Variants in TRDN observed in about 807,000 individuals in gnomAD.
The protein encoded by TRDN is triadin.
TRDN carries 161 observed loss-of-function variants against 149.7 expected under a neutral mutation model. That is an observed-to-expected ratio of 1.08 (90% CI 0.95 to 1.23). TRDN has a LOEUF of 1.23. Among genes scored for constraint, TRDN ranks in the 50% most tolerant of loss-of-function variants. TRDN has a pLI of 0.00. For missense variants in TRDN, 896 were observed against 823.5 expected (o/e 1.09, Z -1.08); for synonymous variants, 294 against 250.5 (o/e 1.17, Z -1.64).
At chr6:123,364,364 C>T (rs1448686365) in intron 20 of TRDN, among the ~76,000 whole-genome samples, 4 of 152,134 alleles carry the variant, frequency 2.6e-5, no homozygotes, top group African/African-American at 7.2e-5. Context: ...TCCAGTCGGG[C>T]GTGGTGGCTC....
Position 123,634,105 on chromosome 6 carries a change from T to C in TRDN, c.22+2649A>G, listed in dbSNP as rs775134503. 4.6e-5 allele frequency among the ~76,000 whole-genome samples: 7 copies of C among 151,948 alleles called. 1 individual carries two copies. Among genetic ancestry groups the C allele is most frequent in the Admixed American group, 2.0e-4 (3 of 15,224 alleles). ...TTGATAGGTGGCATAGGTCTACTGA[T>C]AGAGTGCTTACATTTCAGTAATGTG... On this transcript the variant is annotated intron_variant, in intron 1 of 40. Transcript: ENST00000334268.
chr6:123,377,400 G>T (rs1781549360), intron 18 of TRDN, among the ~76,000 whole-genome samples: 3 of 152,094 alleles, frequency 2.0e-5, no homozygotes, highest in Admixed American at 2.0e-4. Flanking sequence ...ATTCACTGAG[G>T]GTCTTGTGAA....
chr6:123,552,104 G>A (rs1781425015), intron 2 of TRDN, among the ~76,000 whole-genome samples: 2 of 152,024 alleles, frequency 1.3e-5, no homozygotes, highest in African/African-American at 4.8e-5. Context: ...CAGCACTTCT[G>A]TTATATGAGA....
chr6:123,410,382 A>C (rs371937690), intron 12 of TRDN, among the ~76,000 whole-genome samples: 11 of 152,308 alleles, frequency 7.2e-5, no homozygotes, highest in African/African-American at 2.6e-4. Flanking sequence ...GGACAATAAA[A>C]TATTACTCAC....
chr6:123,497,385 A>G lies in TRDN; in HGVS notation c.794-133T>C, dbSNP rs1288518096. 9.2e-6 allele frequency: 5 copies of G among 541,662 alleles called. No individual in the cohort carries two copies. In the South Asian group the frequency reaches 1.8e-4, roughly 20 times the overall value. The allele number at this position is 541,662 out of a possible 1,614,324, so 33.6% of individuals were successfully genotyped here. ...GTTACTACAATATTTTCTGTAAAAA[A>G]AATAATTTGCACTTATATGAAAATA... On this transcript the variant is annotated intron_variant, in intron 8 of 40. Coordinates refer to ENST00000334268, the MANE Select transcript of TRDN (RefSeq NM_006073.4).
intron 21 of TRDN, among the ~76,000 whole-genome samples, chr6:123,349,040 G>A (rs535764743): frequency 4.1e-4 from 62 of 152,168 alleles, no homozygotes; most frequent in Non-Finnish European, 7.9e-4. Flanking sequence ...CATTGAGTAC[G>A]TATTATTCTG....
intron 9 of TRDN, chr6:123,470,407 C>G (rs1777088455): frequency 6.6e-6 from 1 of 152,022 alleles, no homozygotes; most frequent in Non-Finnish European, 1.5e-5. Flanking sequence ...GATAATAGTA[C>G]AAATGAAATT....
chr6:123,418,679 C>A (rs1773763153), intron 12 of TRDN: 1 of 152,068 alleles, frequency 6.6e-6, no homozygotes, highest in South Asian at 2.1e-4. Context: ...TACACTCAAC[C>A]CCCAACCCCA....
intron 8 of TRDN, 118 bp downstream of exon 8, chr6:123,503,601 T>A: frequency 3.3e-6 from 5 of 1,499,554 alleles, no homozygotes; most frequent in Non-Finnish European, 4.4e-6. Context: ...TACTTTAATG[T>A]CTTTTACCCC....
At chr6:123,465,088 C>CAAGCCAAGT in intron 9 of TRDN, 105 bp from the exon 10 acceptor site, 1 of 1,201,596 alleles carries the variant, frequency 8.3e-7, no homozygotes, top group Non-Finnish European at 1.1e-6. Context: ...TTCATAATAC[C>CAAGCCAAGT]AAGCCAAGTA....
At chr6:123,552,214 T>C (rs1219809843) in intron 2 of TRDN, among the ~76,000 whole-genome samples, 1 of 152,122 alleles carries the variant, frequency 6.6e-6, no homozygotes, top group Non-Finnish European at 1.5e-5. Flanking sequence ...TTTAGGTTAC[T>C]TGTGGTCAGT....
At chr6:123,550,550 A>G (rs1259961633) in intron 2 of TRDN, among the ~76,000 whole-genome samples, 1 of 152,076 alleles carries the variant, frequency 6.6e-6, no homozygotes, top group Non-Finnish European at 1.5e-5. Flanking sequence ...ATTTTTATGC[A>G]TATGACAGAG....
chr6:123,427,145 C>A (rs1774156330), intron 12 of TRDN, among the ~76,000 whole-genome samples: 1 of 151,838 alleles, frequency 6.6e-6, no homozygotes, highest in African/African-American at 2.4e-5. Flanking sequence ...ATCAATAAAA[C>A]ATTCTATGAT....
chr6:123,529,855 T>C (rs372256805), intron 5 of TRDN, among the ~76,000 whole-genome samples: 4 of 152,008 alleles, frequency 2.6e-5, no homozygotes, highest in African/African-American at 7.2e-5. Flanking sequence ...TTGCTTCCTA[T>C]TAGTTTCTTT....
chr6:123,232,266 G>C lies in TRDN; in HGVS notation c.1976-8135C>G, dbSNP rs139420641. Reference sequence around the variant, plus strand: ...AGAGGAAAACATTTCAAAAAGGGCAGGCGACCCACAATGTGGAAGGCATTA... The same window carrying C: ...AGAGGAAAACATTTCAAAAAGGGCACGCGACCCACAATGTGGAAGGCATTA... On this transcript the variant is annotated intron_variant, in intron 38 of 40. Transcript: ENST00000334268. Among the ~76,000 whole-genome samples, 962 of 152,030 alleles carry C rather than the reference G, an allele frequency of 6.3e-3. 6 individuals carry two copies. Among genetic ancestry groups the C allele is most frequent in the African/African-American group, 0.022 (906 of 41,496 alleles).
chr6:123,612,000 C>T (rs1327719895), intron 1 of TRDN, among the ~76,000 whole-genome samples: 3 of 151,814 alleles, frequency 2.0e-5, no homozygotes, highest in Non-Finnish European at 4.4e-5. Flanking sequence ...AACCTTTCAA[C>T]TTAAGTCAAA....
intron 7 of TRDN, chr6:123,510,370 GAATTGAGGCTTCTAGCT>G (rs1315288004): frequency 6.6e-6 from 1 of 151,978 alleles, no homozygotes; most frequent in African/African-American, 2.4e-5. Context: ...TAAAAATACT[GAATTGAGGCTTCTAGCT>G]AATTGCCTAA....
chr6:123,325,865 C>T (rs1779431951), intron 23 of TRDN, among the ~76,000 whole-genome samples: 1 of 152,104 alleles, frequency 6.6e-6, no homozygotes, highest in African/African-American at 2.4e-5. Context: ...CTACACAACA[C>T]ATACTCCTTC....
chr6:123,313,454 TTGAA>T (rs1276079865), intron 24 of TRDN, among the ~76,000 whole-genome samples: 1 of 151,992 alleles, frequency 6.6e-6, no homozygotes, highest in Non-Finnish European at 1.5e-5. Context: ...TTGCTGCCCT[TTGAA>T]TGGAGATTTT....
Sources: allele counts gnomAD v4.1 joint callset (sites outside exome capture counted in the v4.1 genomes callset), GRCh38; gene constraint gnomAD v4.1.1; transcripts MANE v1.5; gene names NCBI Gene and HGNC (gene_info 2026-07-23, HGNC 2026-07-21).